PLEKHA6: variants seen among roughly 807,000 people sequenced by gnomAD.
The protein encoded by PLEKHA6 is pleckstrin homology domain containing A6, also known as pleckstrin homology domain-containing family A member 6.
A neutral mutation model predicts 116.7 loss-of-function variants in PLEKHA6; 60 were observed. The observed-to-expected ratio is 0.51, with a 90% CI of 0.42 to 0.64. PLEKHA6 has a LOEUF of 0.64. Among genes scored for constraint, PLEKHA6 ranks in the 30% least tolerant of loss-of-function variants. The pLI, the probability that PLEKHA6 is intolerant of heterozygous loss-of-function variation, is 0.00. For synonymous variants in PLEKHA6, 489 were observed against 556.1 expected, an observed-to-expected ratio of 0.88 and a Z score of 1.70; for missense variants, 1,338 against 1,422.7, an observed-to-expected ratio of 0.94 and a Z score of 0.96.
rs776123517 is a variant in PLEKHA6, at chr1:204,274,702, C to CA, written c.-14+26dup. 11 of 985,842 alleles carry CA rather than the reference C, an allele frequency of 1.1e-5. No individual in the cohort carries two copies. The East Asian group carries it at 7.9e-4, about 71-fold the overall frequency. 61.1% of individuals were successfully genotyped at this position (985,842 alleles called of 1,614,324 possible). A position where few individuals can be genotyped will look rare whatever the true frequency, so the allele number is the denominator to read the frequency against. ...TGGTAGTGGTTAAGGGCAGAAAGCC[C>CA]AAACAGCAAGTAGGGGACACACTTA... is the stretch of plus-strand genomic sequence containing the variant. On this transcript the variant is annotated intron_variant, in intron 2 of 22. Transcript: ENST00000272203.
rs66501941 is a variant in PLEKHA6 at position 204,222,020 on chromosome 1, ATCTC to A, written c.*764_*767del. ...GCTTCCCCCTCCTTCCACTCTGAGGATCTCTCTCTCTCTCTCTCTCTCTCTCTCT... is the reference window on the plus strand; with the variant it reads ...GCTTCCCCCTCCTTCCACTCTGAGGATCTCTCTCTCTCTCTCTCTCTCTCT... On this transcript the variant is annotated 3_prime_UTR_variant, in exon 23 of 23. Coordinates refer to ENST00000272203, the MANE Select transcript of PLEKHA6 (RefSeq NM_014935.5). 1.7e-3 allele frequency: 230 copies of A among 133,044 alleles called. No homozygotes were observed. Among genetic ancestry groups the A allele is most frequent in the Middle Eastern group, 7.9e-3 (2 of 254 alleles). The allele number at this position is 133,044 out of a possible 1,614,324, so 8.2% of individuals were successfully genotyped here. A position where few individuals can be genotyped will look rare whatever the true frequency, so the allele number is the denominator to read the frequency against.
At chr1:204,365,415 C>T (rs991924380) in intron 3 of PLEKHA6, among the ~76,000 whole-genome samples, 24 of 152,110 alleles carry the variant, frequency 1.6e-4, no homozygotes, top group East Asian at 1.2e-3. Flanking sequence ...ATGGAGATAT[C>T]GAGAAGTGGG....
chr1:204,273,114 T>C (rs1464381404), intron 3 of PLEKHA6, among the ~76,000 whole-genome samples: 2 of 152,174 alleles, frequency 1.3e-5, no homozygotes, highest in African/African-American at 4.8e-5. Flanking sequence ...CATTCTTCTC[T>C]AGACTTCCTT....
At chr1:204,363,238 G>C (rs114792265), upstream of PLEKHA6, among the ~76,000 whole-genome samples, 2,120 of 152,286 alleles carry the variant, frequency 0.014, 42 homozygotes, top group African/African-American at 0.047. Context: ...GAGGCTCACC[G>C]GGGTCTCACT....
intron 9 of PLEKHA6, among the ~76,000 whole-genome samples, chr1:204,255,115 A>G (rs1665099988): frequency 1.3e-5 from 2 of 152,174 alleles, no homozygotes; most frequent in Admixed American, 6.5e-5. Context: ...TTTTGGAGGA[A>G]CTAATGAATA....
chr1:204,309,719 T>C, intron 1 of PLEKHA6: 4 of 909,682 alleles, frequency 4.4e-6, no homozygotes, highest in Non-Finnish European at 5.3e-6. Flanking sequence ...ATGAAGATAG[T>C]ATCAATTTAG....
intron 1 of PLEKHA6, among the ~76,000 whole-genome samples, chr1:204,287,911 C>T (rs1328199946): frequency 6.6e-6 from 1 of 152,192 alleles, no homozygotes; most frequent in Admixed American, 6.5e-5. Flanking sequence ...AGTTCACTCC[C>T]TTGGACTAAG....
intron 1 of PLEKHA6, among the ~76,000 whole-genome samples, chr1:204,343,645 A>G (rs968108731): frequency 1.3e-5 from 2 of 152,190 alleles, no homozygotes; most frequent in African/African-American, 4.8e-5. Flanking sequence ...TTAGAAGGAA[A>G]CTTAAGCTCA....
chr1:204,337,282 G>A (rs1433205309), intron 1 of PLEKHA6, among the ~76,000 whole-genome samples: 1 of 152,164 alleles, frequency 6.6e-6, no homozygotes, highest in Non-Finnish European at 1.5e-5. Context: ...GCCAGAGAAT[G>A]AGGAGACCAG....
At chr1:204,268,352 C>G in intron 3 of PLEKHA6, 40 bp from the exon 4 acceptor site, 2 of 1,434,880 alleles carry the variant, frequency 1.4e-6, no homozygotes, top group East Asian at 4.7e-5. Context: ...TCCCCAGTCT[C>G]CTCCTTCCTG....
At position 204,338,732 on chromosome 1, in the gene PLEKHA6, C is replaced by T. The variant is rs1409995789; in HGVS notation, c.-95+20962G>A. Among the ~76,000 whole-genome samples, 4 of 152,060 alleles carry T rather than the reference C, an allele frequency of 2.6e-5. No homozygotes were observed. The East Asian group carries it at 7.7e-4, about 29-fold the overall frequency. ...TGAGAGATCAGATGACTTCTGAAAA[C>T]GGGCAGGATTTTGGTAAATGGAAGT... On this transcript the variant is annotated intron_variant, in intron 1 of 22. Transcript: ENST00000272203.
chr1:204,335,398 TC>T (rs1672610291), intron 1 of PLEKHA6, among the ~76,000 whole-genome samples: 1 of 151,724 alleles, frequency 6.6e-6, no homozygotes, highest in Admixed American at 6.6e-5. Flanking sequence ...CTCCCTTCCT[TC>T]CCCAGCAGAG....
At chr1:204,273,790 A>G in intron 2 of PLEKHA6, 50 bp from the exon 3 acceptor site, 2 of 1,311,244 alleles carry the variant, frequency 1.5e-6, no homozygotes, top group African/African-American at 1.4e-5. Flanking sequence ...CCAAGAAACA[A>G]TGGAAACAGC....
intron 2 of PLEKHA6, among the ~76,000 whole-genome samples, chr1:204,274,237 A>C (rs953189420): frequency 1.3e-5 from 2 of 152,140 alleles, no homozygotes; most frequent in African/African-American, 4.8e-5. Flanking sequence ...CCAGCCCTGG[A>C]CATTTATTTT....
chr1:204,316,480 CCTTTGCAGGAT>C (rs1671864853), intron 1 of PLEKHA6, among the ~76,000 whole-genome samples: 2 of 152,174 alleles, frequency 1.3e-5, no homozygotes, highest in African/African-American at 4.8e-5. Context: ...GTTCCCAGTG[CCTTTGCAGGAT>C]ATGTGGGGGT....
At chr1:204,321,041 A>C (rs564474465) in intron 1 of PLEKHA6, among the ~76,000 whole-genome samples, 1 of 152,248 alleles carries the variant, frequency 6.6e-6, no homozygotes, top group Admixed American at 6.5e-5. Flanking sequence ...GCTCAATCAC[A>C]CTAGGCTCTT....
At chr1:204,270,922 C>T (rs1433447421) in intron 3 of PLEKHA6, among the ~76,000 whole-genome samples, 1 of 152,164 alleles carries the variant, frequency 6.6e-6, no homozygotes, top group African/African-American at 2.4e-5. Flanking sequence ...GACCCGTCTT[C>T]CCTTGGCCAC....
At chr1:204,276,687 T>G (rs533688162) in intron 1 of PLEKHA6, among the ~76,000 whole-genome samples, 37 of 139,492 alleles carry the variant, frequency 2.7e-4, no homozygotes, top group Non-Finnish European at 5.4e-4. Context: ...CACAGAAGCA[T>G]ACACACACAG....
Position 204,248,155 on chromosome 1 carries a change from C to CTTTTTT in PLEKHA6, c.1824+660_1824+665dup, listed in dbSNP as rs34335278. On this transcript the variant is annotated intron_variant, in intron 12 of 22. Coordinates refer to ENST00000272203, the MANE Select transcript of PLEKHA6 (RefSeq NM_014935.5). ...GGGAAGTAGTGACCAGGGCAGCAGC[C>CTTTTTT]TTTTTTTTTTTTTTTTTTTTGAGAT... Among the ~76,000 whole-genome samples, 59 of 95,230 alleles carry CTTTTTT rather than the reference C, an allele frequency of 6.2e-4. 4 individuals carry two copies. Among genetic ancestry groups the CTTTTTT allele is most frequent in the African/African-American group, 1.3e-3 (30 of 22,472 alleles). 62.5% of individuals were successfully genotyped at this position (95,230 alleles called of 152,430 possible). A position where few individuals can be genotyped will look rare whatever the true frequency, so the allele number is the denominator to read the frequency against.
Sources: gnomAD v4.1 joint callset for allele counts (sites outside exome capture counted in the v4.1 genomes callset) on GRCh38, gnomAD v4.1.1 for gene constraint, MANE v1.5 for transcripts, NCBI Gene and HGNC (gene_info 2026-07-23, HGNC 2026-07-21) for gene names.